SPATA16: variants seen among roughly 807,000 people sequenced by gnomAD.
The protein encoded by SPATA16 is spermatogenesis-associated protein 16.
A neutral mutation model predicts 63.3 loss-of-function variants in SPATA16; 36 were observed. The ratio of observed to expected loss-of-function variants is 0.57; its 90% CI spans 0.44 to 0.75. The LOEUF (loss-of-function observed/expected upper bound fraction) is 0.75, where lower values mean the gene tolerates loss of function less well. Among genes scored for constraint, SPATA16 ranks in the 30% least tolerant of loss-of-function variants. SPATA16 has a pLI of 0.00. For synonymous variants in SPATA16, 203 were observed against 216.7 expected, an observed-to-expected ratio of 0.94 and a Z score of 0.56; for missense variants, 646 against 679.3, an observed-to-expected ratio of 0.95 and a Z score of 0.54.
chr3:172,913,246 A>C (rs1732409882), intron 10 of SPATA16, among the ~76,000 whole-genome samples: 2 of 152,318 alleles, frequency 1.3e-5, no homozygotes, highest in South Asian at 4.1e-4. Flanking sequence ...TTTACTAAAA[A>C]CATCAATGTG....
At chr3:173,019,991 TAA>T (rs3085788) in intron 3 of SPATA16, among the ~76,000 whole-genome samples, 35 of 143,260 alleles carry the variant, frequency 2.4e-4, no homozygotes, top group Non-Finnish European at 1.2e-4. Flanking sequence ...GAATTTCAGT[TAA>T]AAAAAAAAAA....
chr3:173,068,689 C>G (rs983990099), intron 2 of SPATA16, among the ~76,000 whole-genome samples: 3 of 151,676 alleles, frequency 2.0e-5, no homozygotes, highest in Admixed American at 2.0e-4. Context: ...ACAGCAAAAA[C>G]AGTGCCAAGA....
At chr3:172,953,453 G>A (rs1232669209) in intron 6 of SPATA16, among the ~76,000 whole-genome samples, 2 of 152,210 alleles carry the variant, frequency 1.3e-5, no homozygotes, top group Non-Finnish European at 2.9e-5. Flanking sequence ...GGGTTCACAA[G>A]CTAGCAGTCC....
rs1231983718 is a variant in SPATA16 at position 172,956,566 on chromosome 3, AAC to A, written c.1081+109_1081+110del. On this transcript the variant is annotated intron_variant, in intron 6 of 10. Coordinates refer to ENST00000351008, the MANE Select transcript of SPATA16 (RefSeq NM_031955.6). ...TTTCCGTTTCAAGTCATCAGATGAA[AAC>A]AGTGTACTCCTAAAACAGAAACAAT... 9.1e-6 allele frequency: 11 copies of A among 1,215,120 alleles called. No homozygotes were observed. The African/African-American group carries it at 1.5e-4, about 17-fold the overall frequency. The allele number at this position is 1,215,120 out of a possible 1,614,324, so 75.3% of individuals were successfully genotyped here. A position where few individuals can be genotyped will look rare whatever the true frequency, so the allele number is the denominator to read the frequency against.
rs377398191 is a variant in SPATA16 at position 173,043,981 on chromosome 3, T to G, written c.758+4968A>C. Among the ~76,000 whole-genome samples, 58 of 152,270 alleles carry G rather than the reference T, an allele frequency of 3.8e-4. 2 individuals are homozygous for G. Among genetic ancestry groups the G allele is most frequent in the African/African-American group, 1.3e-3 (56 of 41,578 alleles). On this transcript the variant is annotated intron_variant, in intron 3 of 10. Coordinates refer to ENST00000351008, the MANE Select transcript of SPATA16 (RefSeq NM_031955.6). ...GAGTTACCAGTGATTTGTATCATTG[T>G]TCCTCCTGTGTAATGCGTTGTTTTT...
intron 1 of SPATA16, among the ~76,000 whole-genome samples, chr3:173,128,236 C>T (rs1406650154): frequency 6.6e-6 from 1 of 152,128 alleles, no homozygotes; most frequent in Non-Finnish European, 1.5e-5. Context: ...ATAATGTCCT[C>T]AGCAGTTAGA....
intron 6 of SPATA16, among the ~76,000 whole-genome samples, chr3:172,945,588 T>C (rs1733263620): frequency 6.6e-6 from 1 of 152,132 alleles, no homozygotes; most frequent in African/African-American, 2.4e-5. Flanking sequence ...GGAGGGAGAA[T>C]ACAGTAATTG....
intron 2 of SPATA16, among the ~76,000 whole-genome samples, chr3:173,061,944 A>T (rs1360374494): frequency 6.6e-6 from 1 of 152,148 alleles, no homozygotes. Context: ...TATTAAATTT[A>T]TGCCAAATGA....
At chr3:172,932,700 T>G (rs1291035663) in intron 6 of SPATA16, among the ~76,000 whole-genome samples, 1 of 152,138 alleles carries the variant, frequency 6.6e-6, no homozygotes, top group Non-Finnish European at 1.5e-5. Flanking sequence ...AATAAAATGG[T>G]CTCTACTTTT....
At chr3:173,075,997 C>T (rs1454071615) in intron 2 of SPATA16, among the ~76,000 whole-genome samples, 1 of 151,898 alleles carries the variant, frequency 6.6e-6, no homozygotes, top group Non-Finnish European at 1.5e-5. Flanking sequence ...CATTAATTAC[C>T]CCCGATTTGA....
chr3:173,097,892 T>C (rs1737397627), intron 2 of SPATA16, among the ~76,000 whole-genome samples: 1 of 152,180 alleles, frequency 6.6e-6, no homozygotes. Context: ...CCAGTAGAAC[T>C]TGCATTTGTC....
chr3:172,979,088 T>C (rs975768598), intron 4 of SPATA16, among the ~76,000 whole-genome samples: 1 of 152,046 alleles, frequency 6.6e-6, no homozygotes, highest in African/African-American at 2.4e-5. Context: ...ATACAAAAAA[T>C]TAGCCACGTG....
intron 2 of SPATA16, among the ~76,000 whole-genome samples, chr3:173,113,262 A>G (rs1000644058): frequency 6.6e-6 from 1 of 152,222 alleles, no homozygotes; most frequent in Non-Finnish European, 1.5e-5. Flanking sequence ...ACAATATAAA[A>G]TAATATGAAT....
chr3:173,127,168 ATG>A (rs147259816), intron 1 of SPATA16, among the ~76,000 whole-genome samples: 7 of 151,500 alleles, frequency 4.6e-5, no homozygotes, highest in East Asian at 1.9e-4. Flanking sequence ...TCTTTCCCTA[ATG>A]TGTGTGTGTG....
chr3:172,947,956 A>G (rs960695680), intron 6 of SPATA16, among the ~76,000 whole-genome samples: 1 of 152,144 alleles, frequency 6.6e-6, no homozygotes, highest in African/African-American at 2.4e-5. Flanking sequence ...TAAAAAAAGA[A>G]AAAAAGAATG....
chr3:172,962,576 AG>A (rs1349252527), intron 5 of SPATA16, among the ~76,000 whole-genome samples: 1 of 152,178 alleles, frequency 6.6e-6, no homozygotes, highest in East Asian at 1.9e-4. Context: ...GCATTTAAAG[AG>A]ATGAAACAAC....
intron 1 of SPATA16, among the ~76,000 whole-genome samples, chr3:173,126,757 T>A (rs1738238655): frequency 6.6e-6 from 1 of 152,202 alleles, no homozygotes; most frequent in Non-Finnish European, 1.5e-5. Flanking sequence ...CTGTTTATAG[T>A]CACATAATAA....
intron 2 of SPATA16, among the ~76,000 whole-genome samples, chr3:173,096,944 A>G (rs1384805992): frequency 6.6e-6 from 1 of 152,194 alleles, no homozygotes; most frequent in Non-Finnish European, 1.5e-5. Context: ...AAGCAAAAAG[A>G]AATCAAGTTT....
At chr3:173,116,253 A>AG (rs1250624974) in intron 2 of SPATA16, among the ~76,000 whole-genome samples, 2 of 152,206 alleles carry the variant, frequency 1.3e-5, no homozygotes, top group Non-Finnish European at 2.9e-5. Flanking sequence ...GTTAGAGGGA[A>AG]GGAACCATGT....
Sources: gnomAD v4.1 joint callset for allele counts (sites outside exome capture counted in the v4.1 genomes callset) on GRCh38, gnomAD v4.1.1 for gene constraint, MANE v1.5 for transcripts, NCBI Gene and HGNC (gene_info 2026-07-23, HGNC 2026-07-21) for gene names.